The following CELF4 variants were observed in gnomAD, a reference collection of about 807,000 sequenced individuals.
The protein encoded by CELF4 is CUG-BP- and ETR-3-like factor 4.
In CELF4, 18 loss-of-function variants were observed where a neutral mutation model predicts 59.9. The ratio of observed to expected loss-of-function variants is 0.30; its 90% CI spans 0.21 to 0.45. CELF4 has a LOEUF of 0.45. Ranked by LOEUF, CELF4 falls within the 20% of genes least tolerant of loss-of-function variation. The probability of loss-of-function intolerance (pLI) is 1.00; values close to 1 mark genes in which losing one functional copy is unlikely to be tolerated. For missense variants in CELF4, 456 were observed against 689.0 expected, an observed-to-expected ratio of 0.66 and a Z score of 3.79; for synonymous variants, 261 against 267.1, an observed-to-expected ratio of 0.98 and a Z score of 0.22.
At chr18:37,446,780 T>C (rs1039153428) in intron 2 of CELF4, among the ~76,000 whole-genome samples, 4 of 152,134 alleles carry the variant, frequency 2.6e-5, no homozygotes, top group African/African-American at 9.7e-5. Context: ...AGAGAGTCTA[T>C]CAGGTGTCAG....
intron 2 of CELF4, among the ~76,000 whole-genome samples, chr18:37,384,744 A>T (rs1184773803): frequency 2.0e-5 from 3 of 152,178 alleles, no homozygotes; most frequent in Non-Finnish European, 4.4e-5. Flanking sequence ...CTGTCATCCC[A>T]CTTGCCATCA....
intron 2 of CELF4, among the ~76,000 whole-genome samples, chr18:37,365,111 A>G (rs2098758631): frequency 6.6e-6 from 1 of 152,210 alleles, no homozygotes; most frequent in African/African-American, 2.4e-5. Context: ...TTACTGAAGT[A>G]AGGGGTGGAT....
At chr18:37,353,255 A>G (rs1057409349) in intron 2 of CELF4, among the ~76,000 whole-genome samples, 1 of 132,892 alleles carries the variant, frequency 7.5e-6, no homozygotes, top group Non-Finnish European at 1.6e-5. Context: ...TATATACATA[A>G]AAGACCCTTT....
At chr18:37,462,112 G>GA (rs2099795188) in intron 2 of CELF4, among the ~76,000 whole-genome samples, 1 of 152,210 alleles carries the variant, frequency 6.6e-6, no homozygotes, top group Non-Finnish European at 1.5e-5. Flanking sequence ...ACCCCACCGT[G>GA]AGCCCTGCTG....
At chr18:37,270,325 C>T (rs1412281266) in intron 8 of CELF4, among the ~76,000 whole-genome samples, 3 of 152,212 alleles carry the variant, frequency 2.0e-5, no homozygotes, top group Non-Finnish European at 4.4e-5. Context: ...CTGTACTAGA[C>T]AGACTGCCAA....
chr18:37,356,927 A>C (rs1177414983), intron 2 of CELF4, among the ~76,000 whole-genome samples: 1 of 151,318 alleles, frequency 6.6e-6, no homozygotes, highest in Non-Finnish European at 1.5e-5. Context: ...TTTTTCCTAC[A>C]CTCTTCCTCT....
At chr18:37,258,081 C>G (rs1322660092) in intron 11 of CELF4, among the ~76,000 whole-genome samples, 1 of 152,206 alleles carries the variant, frequency 6.6e-6, no homozygotes, top group African/African-American at 2.4e-5. Context: ...CTTTGTCTAT[C>G]TGAAATTCAA....
At chr18:37,273,476 G>A (rs2092273432) in intron 6 of CELF4, 2 of 1,072,392 alleles carry the variant, frequency 1.9e-6, no homozygotes, top group Non-Finnish European at 1.1e-6. Context: ...TGTCATTCGT[G>A]GGGAAGTGAC....
intron 2 of CELF4, among the ~76,000 whole-genome samples, chr18:37,414,191 CATCTATCTATCTATCTATCTATCTATCT>C (rs59869024): frequency 9.6e-4 from 142 of 148,202 alleles, no homozygotes; most frequent in East Asian, 2.0e-3. Context: ...TCCATTCATT[CATCTATCTATCTATCTATCTATCTATCT>C]ATCTATCTAT....
chr18:37,452,145 G>T (rs1165106347), intron 2 of CELF4, among the ~76,000 whole-genome samples: 1 of 152,204 alleles, frequency 6.6e-6, no homozygotes, highest in Admixed American at 6.5e-5. Context: ...TGCCAGCAAT[G>T]GTGTCGGCTG....
intron 2 of CELF4, among the ~76,000 whole-genome samples, chr18:37,453,743 A>G (rs554282572): frequency 2.6e-5 from 4 of 152,280 alleles, no homozygotes; most frequent in African/African-American, 7.2e-5. Flanking sequence ...CAGGGCCTCA[A>G]ATGCAGACTG....
At chr18:37,490,508 C>G (rs1451758031) in intron 1 of CELF4, among the ~76,000 whole-genome samples, 1 of 152,156 alleles carries the variant, frequency 6.6e-6, no homozygotes, top group Non-Finnish European at 1.5e-5. Context: ...ACATCTGCCG[C>G]CTGGCAAATA....
intron 2 of CELF4, among the ~76,000 whole-genome samples, chr18:37,347,463 CT>C (rs1189062645): frequency 6.6e-6 from 1 of 152,106 alleles, no homozygotes; most frequent in African/African-American, 2.4e-5. Flanking sequence ...CCTGAGTCTG[CT>C]TTTATTCTGG....
At chr18:37,363,233 C>A (rs939738367) in intron 2 of CELF4, among the ~76,000 whole-genome samples, 3 of 151,926 alleles carry the variant, frequency 2.0e-5, no homozygotes, top group Admixed American at 6.6e-5. Flanking sequence ...CTTTCATGCT[C>A]AAAAAAATCC....
At chr18:37,364,336 A>G (rs569623281) in intron 2 of CELF4, among the ~76,000 whole-genome samples, 1 of 152,334 alleles carries the variant, frequency 6.6e-6, no homozygotes, top group South Asian at 2.1e-4. Context: ...GAGAAATGAC[A>G]AGTGTCCTTT....
intron 2 of CELF4, among the ~76,000 whole-genome samples, chr18:37,423,429 C>A (rs780862812): frequency 3.3e-5 from 5 of 151,844 alleles, no homozygotes; most frequent in African/African-American, 4.8e-5. Flanking sequence ...CTGGAGGAGG[C>A]GGGGTCAAAG....
rs879630089 is a variant in CELF4 at position 37,265,112 on chromosome 18, GGTGT to G, written c.1166-359_1166-356del. On this transcript the variant is annotated intron_variant, in intron 9 of 12. Coordinates refer to ENST00000420428, the MANE Select transcript of CELF4 (RefSeq NM_020180.4). ...GTACATGCATACATGCAAGTGTGTG[GGTGT>G]GTGTGTACATTACATGCATACATGC... is the stretch of plus-strand genomic sequence containing the variant. Among the ~76,000 whole-genome samples, 62 of 149,704 alleles carry G rather than the reference GGTGT, an allele frequency of 4.1e-4. 1 individual carries two copies. Among genetic ancestry groups the G allele is most frequent in the Non-Finnish European group, 1.9e-4 (13 of 67,556 alleles).
At position 37,565,618 on chromosome 18, in the gene CELF4, T is replaced by C; in HGVS notation, c.24A>G (p.Leu8=). The C allele has an allele frequency of 1.2e-6, 2 of 1,603,492 alleles. No individual in the cohort carries two copies. Among genetic ancestry groups the C allele is most frequent in the Non-Finnish European group, 8.5e-7 (1 of 1,173,768 alleles). ...TTGCGTTGTCAGCCTGTCCGTTTGC[T>C]AACGTGGCCATCTTTATATACATAG... MYIKMAT[L]ANGQADNASL... Residue 8 remains leucine, a synonymous_variant, in exon 1 of 13, where the codon TTA becomes TTG. Transcript: ENST00000420428.
intron 1 of CELF4, among the ~76,000 whole-genome samples, chr18:37,563,814 A>T (rs916149460): frequency 5.3e-5 from 8 of 152,178 alleles, no homozygotes; most frequent in African/African-American, 1.9e-4. Flanking sequence ...TTTACTCCTC[A>T]GCAGGCAAGC....
Sources: gnomAD v4.1 joint callset for allele counts (sites outside exome capture counted in the v4.1 genomes callset) on GRCh38, gnomAD v4.1.1 for gene constraint, MANE v1.5 for transcripts, NCBI Gene and HGNC (gene_info 2026-07-23, HGNC 2026-07-21) for gene names.